NALF1: variants seen among roughly 807,000 people sequenced by gnomAD.
NALF1 encodes the protein family with sequence similarity 155 member A.
In NALF1, 3 loss-of-function variants were observed where a neutral mutation model predicts 48.4. The observed-to-expected ratio is 0.06, with a 90% confidence interval of 0.03 to 0.16. The LOEUF (loss-of-function observed/expected upper bound fraction) is 0.16, where lower values mean the gene tolerates loss of function less well. Ranked by LOEUF, NALF1 falls within the 10% of genes least tolerant of loss-of-function variation. NALF1 has a pLI of 1.00. For missense variants in NALF1, 526 were observed against 571.5 expected (o/e 0.92, Z 0.81); for synonymous variants, 262 against 245.7 (o/e 1.07, Z -0.62).
At chr13:107,253,589 T>C (rs1485940742) in intron 1 of NALF1, among the ~76,000 whole-genome samples, 2 of 152,224 alleles carry the variant, frequency 1.3e-5, no homozygotes, top group East Asian at 1.9e-4. Flanking sequence ...AGATTAATTC[T>C]ATAGCAAGGC....
chr13:107,828,973 T>C (rs549050373), intron 1 of NALF1, among the ~76,000 whole-genome samples: 206 of 152,302 alleles, frequency 1.4e-3, no homozygotes, highest in African/African-American at 4.8e-3. Flanking sequence ...TGTTTTATTT[T>C]TTCTGACCCA....
chr13:107,251,711 G>A (rs934887792), intron 1 of NALF1, among the ~76,000 whole-genome samples: 1 of 152,154 alleles, frequency 6.6e-6, no homozygotes, highest in African/African-American at 2.4e-5. Context: ...AGGATAAATG[G>A]ATTTATTTGT....
intron 1 of NALF1, among the ~76,000 whole-genome samples, chr13:107,778,167 G>A (rs1044519860): frequency 1.3e-5 from 2 of 152,214 alleles, no homozygotes; most frequent in Non-Finnish European, 2.9e-5. Flanking sequence ...GGAGTGAACA[G>A]AGAGACTGGG....
intron 1 of NALF1, among the ~76,000 whole-genome samples, chr13:107,660,439 ACAC>A (rs1880699648): frequency 1.6e-3 from 8 of 5,094 alleles, no homozygotes; most frequent in Admixed American, 3.8e-3. Context: ...TCTCAAAAAC[ACAC>A]ACACACACAC....
chr13:107,832,810 T>A (rs1879779489), intron 1 of NALF1, among the ~76,000 whole-genome samples: 1 of 152,214 alleles, frequency 6.6e-6, no homozygotes, highest in Non-Finnish European at 1.5e-5. Context: ...ACAGTGCTGC[T>A]GTCTCCTGAC....
intron 1 of NALF1, among the ~76,000 whole-genome samples, chr13:107,796,598 C>A (rs1258164621): frequency 1.3e-5 from 2 of 152,134 alleles, no homozygotes. Flanking sequence ...ACTACTCTCG[C>A]TGCTTTATTG....
chr13:107,735,974 G>A (rs1275065412), intron 1 of NALF1, among the ~76,000 whole-genome samples: 1 of 151,978 alleles, frequency 6.6e-6, no homozygotes, highest in Admixed American at 6.6e-5. Flanking sequence ...TATGGCATTT[G>A]CCTCATTTTA....
chr13:107,479,787 A>G (rs1340055539), intron 1 of NALF1, among the ~76,000 whole-genome samples: 1 of 152,182 alleles, frequency 6.6e-6, no homozygotes, highest in Non-Finnish European at 1.5e-5. Flanking sequence ...TGTATGACAG[A>G]CATATTAGAA....
Position 107,200,726 on chromosome 13 carries a change from G to T in NALF1, c.1087+9858C>A, listed in dbSNP as rs533212111. Among the ~76,000 whole-genome samples, 4 of 152,312 alleles carry T rather than the reference G, an allele frequency of 2.6e-5. No individual in the cohort carries two copies. In the East Asian group the frequency reaches 7.7e-4, roughly 29 times the overall value. ...TAACCCATGACATCAGTCGCCAGTT[G>T]GCTGGAGGAGGTGACTTGATCTTGC... On this transcript the variant is annotated intron_variant, in intron 2 of 2. Coordinates refer to ENST00000375915, the MANE Select transcript of NALF1 (RefSeq NM_001080396.3).
chr13:107,746,858 C>T (rs992152390), intron 1 of NALF1, among the ~76,000 whole-genome samples: 6 of 152,112 alleles, frequency 3.9e-5, no homozygotes, highest in Non-Finnish European at 8.8e-5. Context: ...AAGAATGAAA[C>T]TGGGTCTGTA....
rs71121563 is a variant in NALF1, at chr13:107,867,304, TGCCGCCGCC to T, written c.-717_-709del. On this transcript the variant is annotated 5_prime_UTR_variant, in exon 1 of 3. Coordinates refer to ENST00000375915, the MANE Select transcript of NALF1 (RefSeq NM_001080396.3). The surrounding 1 kb of genome is among the most constrained non-coding windows in gnomAD (Gnocchi z 4.4). ...ACCCCCCACCCCGCGCTCTAAGTGC[TGCCGCCGCC>T]GCCGCCGCCGCCGCCGCTGCCGCAG... Among the ~76,000 whole-genome samples the T allele has an allele frequency of 5.7e-4, 59 of 103,534 alleles. No homozygotes were observed. The East Asian group carries it at 7.5e-3, about 13-fold the overall frequency. The allele number at this position is 103,534 out of a possible 152,430, so 67.9% of individuals were successfully genotyped here.
At chr13:107,652,899 T>G (rs1880483193) in intron 1 of NALF1, among the ~76,000 whole-genome samples, 1 of 152,162 alleles carries the variant, frequency 6.6e-6, no homozygotes, top group African/African-American at 2.4e-5. Context: ...TTAGAAGCAT[T>G]GTGCCATTTG....
intron 1 of NALF1, among the ~76,000 whole-genome samples, chr13:107,673,683 T>C (rs1291410899): frequency 1.3e-5 from 2 of 152,154 alleles, no homozygotes; most frequent in South Asian, 2.1e-4. Context: ...GAATAGTGAA[T>C]GTTCTTGACA....
At chr13:107,595,295 T>C (rs185800240) in intron 1 of NALF1, among the ~76,000 whole-genome samples, 13 of 152,262 alleles carry the variant, frequency 8.5e-5, no homozygotes, top group Admixed American at 6.5e-4. Flanking sequence ...ATTATTCTAA[T>C]CATAAGAAAC....
intron 1 of NALF1, among the ~76,000 whole-genome samples, chr13:107,375,710 T>C (rs1883324199): frequency 6.6e-6 from 1 of 152,066 alleles, no homozygotes; most frequent in Non-Finnish European, 1.5e-5. Flanking sequence ...TAACTCTAAG[T>C]TTGAAGAAAG....
intron 1 of NALF1, among the ~76,000 whole-genome samples, chr13:107,570,486 AGATT>A (rs1313002094): frequency 2.0e-5 from 3 of 151,776 alleles, no homozygotes; most frequent in East Asian, 3.9e-4. Context: ...ACGATGGATT[AGATT>A]GATTTTCAAA....
At chr13:107,302,410 G>A (rs1406410103) in intron 1 of NALF1, among the ~76,000 whole-genome samples, 1 of 152,164 alleles carries the variant, frequency 6.6e-6, no homozygotes, top group African/African-American at 2.4e-5. Context: ...AAGGAGTCAA[G>A]GCCTAGCAGT....
rs538396071 is a variant in NALF1 at position 107,652,808 on chromosome 13, A to G, written c.915+212874T>C. On this transcript the variant is annotated intron_variant, in intron 1 of 2. Coordinates refer to ENST00000375915, the MANE Select transcript of NALF1 (RefSeq NM_001080396.3). ...CTGCCCCTGTGCCAACAAACTAATC[A>G]TCCTTATGTTATCAGTAAAGGCCTT... 1.1e-3 allele frequency among the ~76,000 whole-genome samples: 164 copies of G among 152,244 alleles called. 1 individual carries two copies. Among genetic ancestry groups the G allele is most frequent in the African/African-American group, 3.9e-3 (161 of 41,558 alleles).
At position 107,286,586 on chromosome 13, in the gene NALF1, C is replaced by CAAA. The variant is rs1159508752; in HGVS notation, c.916-75834_916-75832dup. ...TGGGTGACAGAGTAAGACCCTGTCTCAAAAAAAAAAAAAAAAAAGAAAGAA... is the reference window on the plus strand; with the variant it reads ...TGGGTGACAGAGTAAGACCCTGTCTCAAAAAAAAAAAAAAAAAAAAAGAAAGAA... On this transcript the variant is annotated intron_variant, in intron 1 of 2. Coordinates refer to ENST00000375915, the MANE Select transcript of NALF1 (RefSeq NM_001080396.3). 4.4e-3 allele frequency among the ~76,000 whole-genome samples: 453 copies of CAAA among 102,066 alleles called. 2 individuals carry two copies. Among genetic ancestry groups the CAAA allele is most frequent in the African/African-American group, 0.016 (414 of 26,160 alleles). The allele number at this position is 102,066 out of a possible 152,430, so 67.0% of individuals were successfully genotyped here. A position where few individuals can be genotyped will look rare whatever the true frequency, so the allele number is the denominator to read the frequency against.
Sources: gnomAD v4.1 joint callset for allele counts (sites outside exome capture counted in the v4.1 genomes callset) on GRCh38, gnomAD v4.1.1 for gene constraint, Gnocchi (gnomAD v3.1) non-coding constraint, MANE v1.5 for transcripts, NCBI Gene and HGNC (gene_info 2026-07-23, HGNC 2026-07-21) for gene names.